The following ZMAT4 variants were observed in gnomAD, a reference collection of about 807,000 sequenced individuals.
ZMAT4 encodes the protein zinc finger matrin-type 4.
A neutral mutation model predicts 28.7 loss-of-function variants in ZMAT4; 17 were observed. That is an observed-to-expected ratio of 0.59 (90% CI 0.41 to 0.89). The LOEUF is 0.89. Ranked by LOEUF, ZMAT4 falls within the 40% of genes least tolerant of loss-of-function variation. ZMAT4 has a pLI of 0.00. For synonymous variants in ZMAT4, 117 were observed against 109.2 expected, an observed-to-expected ratio of 1.07 and a Z score of -0.44; for missense variants, 240 against 283.8, an observed-to-expected ratio of 0.85 and a Z score of 1.11.
chr8:40,658,608 C>T (rs553495187), intron 5 of ZMAT4, among the ~76,000 whole-genome samples: 4 of 122,524 alleles, frequency 3.3e-5, no homozygotes, highest in East Asian at 2.4e-4. Context: ...GTTTAGGCAG[C>T]GTTAGACACA....
At position 40,628,301 on chromosome 8, in the gene ZMAT4, A is replaced by C. The variant is rs192938215; in HGVS notation, c.577+46403T>G. ...AAAGCGTTAAGACGGTAATATATGG[A>C]TCAAAGGACTAAAAAGATTGTTAAC... On this transcript the variant is annotated intron_variant, in intron 5 of 6. Coordinates refer to ENST00000297737, the MANE Select transcript of ZMAT4 (RefSeq NM_024645.3). Among the ~76,000 whole-genome samples the C allele has an allele frequency of 3.3e-5, 5 of 152,334 alleles. No homozygotes were observed. In the East Asian group the frequency reaches 9.7e-4, roughly 29 times the overall value.
At chr8:40,881,881 C>G (rs528600417) in intron 1 of ZMAT4, among the ~76,000 whole-genome samples, 1 of 152,102 alleles carries the variant, frequency 6.6e-6, no homozygotes. Flanking sequence ...TCTCCATCAC[C>G]GCCACTCCTC....
chr8:40,640,371 G>A (rs927041161), intron 5 of ZMAT4, among the ~76,000 whole-genome samples: 2 of 152,194 alleles, frequency 1.3e-5, no homozygotes, highest in South Asian at 2.1e-4. Flanking sequence ...TTTATTTAGT[G>A]ATACTTGAAA....
chr8:40,746,539 T>C (rs1194401590), intron 3 of ZMAT4, among the ~76,000 whole-genome samples: 2 of 151,910 alleles, frequency 1.3e-5, no homozygotes, highest in East Asian at 3.9e-4. Context: ...AATTTTTGTA[T>C]TTTTAGTAGA....
At chr8:40,570,282 G>A (rs1474879473) in intron 6 of ZMAT4, among the ~76,000 whole-genome samples, 3 of 152,152 alleles carry the variant, frequency 2.0e-5, no homozygotes, top group Non-Finnish European at 2.9e-5. Context: ...TTATGAAAAT[G>A]TTCTACATCT....
intron 5 of ZMAT4, among the ~76,000 whole-genome samples, chr8:40,660,036 T>A (rs1036105286): frequency 3.3e-5 from 5 of 152,224 alleles, no homozygotes; most frequent in Admixed American, 3.3e-4. Flanking sequence ...CCAGCGGGTA[T>A]CTGTGAAAAG....
chr8:40,602,451 T>C (rs1805431621), intron 5 of ZMAT4, among the ~76,000 whole-genome samples: 1 of 152,224 alleles, frequency 6.6e-6, no homozygotes, highest in Non-Finnish European at 1.5e-5. Context: ...TCCACACTGT[T>C]GCTCCATAAT....
intron 5 of ZMAT4, among the ~76,000 whole-genome samples, chr8:40,623,655 G>A (rs1041856027): frequency 1.3e-5 from 2 of 152,100 alleles, no homozygotes; most frequent in African/African-American, 4.8e-5. Flanking sequence ...TGAATCAAAC[G>A]TTCCAGCAAC....
At chr8:40,770,690 G>T (rs1419634610) in intron 2 of ZMAT4, among the ~76,000 whole-genome samples, 9 of 151,984 alleles carry the variant, frequency 5.9e-5, no homozygotes, top group African/African-American at 2.2e-4. Flanking sequence ...TGGGATTATA[G>T]GAGCGTGCCA....
chr8:40,749,149 T>G (rs1812359312), intron 3 of ZMAT4, among the ~76,000 whole-genome samples: 3 of 152,108 alleles, frequency 2.0e-5, no homozygotes, highest in Non-Finnish European at 4.4e-5. Flanking sequence ...CCTCTTCCCT[T>G]TATAAATTAC....
chr8:40,564,337 C>G, intron 6 of ZMAT4, among the ~76,000 whole-genome samples: 1 of 152,204 alleles, frequency 6.6e-6, no homozygotes, highest in Non-Finnish European at 1.5e-5. Flanking sequence ...CAGGATTGCC[C>G]AACCCTGGAC....
chr8:40,841,557 C>T (rs1487703356), intron 1 of ZMAT4, among the ~76,000 whole-genome samples: 3 of 152,172 alleles, frequency 2.0e-5, no homozygotes, highest in Non-Finnish European at 4.4e-5. Context: ...CTCCCAGGCT[C>T]CCTGTGCACC....
At chr8:40,751,125 T>C (rs1348272127) in intron 3 of ZMAT4, among the ~76,000 whole-genome samples, 2 of 152,192 alleles carry the variant, frequency 1.3e-5, no homozygotes, top group African/African-American at 4.8e-5. Context: ...TCCTTCTCTC[T>C]TATGGCTGAA....
intron 3 of ZMAT4, among the ~76,000 whole-genome samples, chr8:40,735,791 C>A (rs4326371): frequency 6.6e-6 from 1 of 151,832 alleles, no homozygotes; most frequent in Non-Finnish European, 1.5e-5. Context: ...GACGTTTAAC[C>A]GCAGGACCCA....
chr8:40,559,725 A>G (rs1803668951), intron 6 of ZMAT4, among the ~76,000 whole-genome samples: 1 of 152,150 alleles, frequency 6.6e-6, no homozygotes, highest in Non-Finnish European at 1.5e-5. Flanking sequence ...AGGCACACAC[A>G]CACAAATACA....
chr8:40,639,494 C>T lies in ZMAT4; in HGVS notation c.577+35210G>A, dbSNP rs76605631. Reference sequence around the variant, plus strand: ...CATGAAGGATATTTTCCTAACAATTCTTCATAAAGTTAGAATAGAAAGACA... The same window carrying T: ...CATGAAGGATATTTTCCTAACAATTTTTCATAAAGTTAGAATAGAAAGACA... On this transcript the variant is annotated intron_variant, in intron 5 of 6. Coordinates refer to ENST00000297737, the MANE Select transcript of ZMAT4 (RefSeq NM_024645.3). Among the ~76,000 whole-genome samples the T allele has an allele frequency of 1.8e-3, 274 of 152,210 alleles. 1 individual carries two copies. Among genetic ancestry groups the T allele is most frequent in the Non-Finnish European group, 3.1e-3 (211 of 68,018 alleles).
intron 5 of ZMAT4, among the ~76,000 whole-genome samples, chr8:40,594,518 T>C (rs1805023741): frequency 6.6e-6 from 1 of 152,188 alleles, no homozygotes; most frequent in Non-Finnish European, 1.5e-5. Context: ...CCCTTATGTG[T>C]CTCTGTTTCC....
At chr8:40,589,932 A>C (rs1320617278) in intron 5 of ZMAT4, among the ~76,000 whole-genome samples, 1,363 of 11,146 alleles carry the variant, frequency 0.12, no homozygotes, top group Non-Finnish European at 0.13. Context: ...TCCCTCCCTC[A>C]CTCCCTTCCT....
chr8:40,690,298 T>C (rs747502731), intron 4 of ZMAT4, among the ~76,000 whole-genome samples: 13 of 152,196 alleles, frequency 8.5e-5, no homozygotes, highest in Non-Finnish European at 1.8e-4. Context: ...TTCACCCCTC[T>C]GGGCTTCAGT....
Sources: gnomAD v4.1 joint callset for allele counts (sites outside exome capture counted in the v4.1 genomes callset) on GRCh38, gnomAD v4.1.1 for gene constraint, MANE v1.5 for transcripts, NCBI Gene and HGNC (gene_info 2026-07-23, HGNC 2026-07-21) for gene names.